The following LHFPL3 variants were observed in gnomAD, a reference collection of about 807,000 sequenced individuals.
LHFPL3 encodes LHFPL tetraspan subfamily member 3.
A neutral mutation model predicts 19.3 loss-of-function variants in LHFPL3; 5 were observed. The observed-to-expected ratio is 0.26, with a 90% CI of 0.14 to 0.54. The LOEUF (loss-of-function observed/expected upper bound fraction) is 0.54, where lower values mean the gene tolerates loss of function less well. LHFPL3 is among the 20% of genes least tolerant of loss of function. LHFPL3 has a pLI of 0.94. For missense variants in LHFPL3, 249 were observed against 307.4 expected, an observed-to-expected ratio of 0.81 and a Z score of 1.42; for synonymous variants, 133 against 126.2, an observed-to-expected ratio of 1.05 and a Z score of -0.36.
chr7:104,824,406 A>AAT (rs376052818), intron 2 of LHFPL3, among the ~76,000 whole-genome samples: 40,341 of 43,662 alleles, frequency 0.92, 18,544 homozygotes, highest in Middle Eastern at 0.97. Context: ...GATAATATAT[A>AAT]ATATATATTT....
At chr7:104,699,530 A>G (rs1793061500) in intron 1 of LHFPL3, among the ~76,000 whole-genome samples, 1 of 152,126 alleles carries the variant, frequency 6.6e-6, no homozygotes, top group Non-Finnish European at 1.5e-5. Flanking sequence ...GATGGTTGCC[A>G]AGGGTTGGGG....
At chr7:104,850,169 G>A (rs12055895) in intron 2 of LHFPL3, among the ~76,000 whole-genome samples, 33,039 of 152,000 alleles carry the variant, frequency 0.22, 3,860 homozygotes, top group South Asian at 0.39. Flanking sequence ...AGGCGTGGTG[G>A]CACATGCCTG....
intron 1 of LHFPL3, among the ~76,000 whole-genome samples, chr7:104,567,920 C>A (rs1790153805): frequency 6.6e-6 from 1 of 152,246 alleles, no homozygotes; most frequent in South Asian, 2.1e-4. Flanking sequence ...GCCCTAGACC[C>A]CAATGCACGT....
chr7:104,562,177 C>A (rs922778196), intron 1 of LHFPL3, among the ~76,000 whole-genome samples: 14 of 151,796 alleles, frequency 9.2e-5, no homozygotes, highest in African/African-American at 2.9e-4. Context: ...TTGCTCTTCT[C>A]GAGGAGTGTC....
At chr7:104,843,651 G>A (rs888403510) in intron 2 of LHFPL3, among the ~76,000 whole-genome samples, 5 of 152,280 alleles carry the variant, frequency 3.3e-5, no homozygotes, top group Admixed American at 6.5e-5. Flanking sequence ...GTGAGAAGGA[G>A]CAGAAAGAAA....
At chr7:104,687,732 C>T (rs1792832351) in intron 1 of LHFPL3, among the ~76,000 whole-genome samples, 1 of 152,218 alleles carries the variant, frequency 6.6e-6, no homozygotes, top group Non-Finnish European at 1.5e-5. Context: ...GAAGCCAGAG[C>T]ATCTCAACAG....
chr7:104,661,569 AACAAGG>A (rs1391421132), intron 1 of LHFPL3, among the ~76,000 whole-genome samples: 5 of 152,200 alleles, frequency 3.3e-5, no homozygotes. Context: ...TTGAGATGAG[AACAAGG>A]ACAAGTAATT....
At chr7:104,384,659 T>C (rs1288679568) in intron 1 of LHFPL3, among the ~76,000 whole-genome samples, 1 of 151,678 alleles carries the variant, frequency 6.6e-6, no homozygotes, top group Non-Finnish European at 1.5e-5. Flanking sequence ...TGGTGGCACA[T>C]GCCTGTAATG....
At chr7:104,868,770 C>T (rs1354791368) in intron 2 of LHFPL3, among the ~76,000 whole-genome samples, 1 of 152,180 alleles carries the variant, frequency 6.6e-6, no homozygotes. Flanking sequence ...ATTGCCAAGT[C>T]AATCCTAACC....
At chr7:104,708,125 C>T (rs1584490409) in intron 1 of LHFPL3, among the ~76,000 whole-genome samples, 2 of 152,158 alleles carry the variant, frequency 1.3e-5, no homozygotes, top group African/African-American at 2.4e-5. Flanking sequence ...AAATACCCAT[C>T]GCCATATAGA....
At chr7:104,354,561 T>C (rs1790238814) in intron 1 of LHFPL3, among the ~76,000 whole-genome samples, 1 of 152,240 alleles carries the variant, frequency 6.6e-6, no homozygotes, top group Non-Finnish European at 1.5e-5. Context: ...TTTCTAATTT[T>C]GGCCAGTCTG....
chr7:104,481,248 C>T (rs897780191), intron 1 of LHFPL3, among the ~76,000 whole-genome samples: 8 of 152,136 alleles, frequency 5.3e-5, no homozygotes, highest in African/African-American at 1.2e-4. Flanking sequence ...TCTCTGCCTC[C>T]GGTCTCACTC....
At chr7:104,884,685 A>G (rs941479061) in intron 2 of LHFPL3, among the ~76,000 whole-genome samples, 1 of 152,216 alleles carries the variant, frequency 6.6e-6, no homozygotes, top group Non-Finnish European at 1.5e-5. Context: ...CTCCCCTTTC[A>G]GGAGAATTTG....
chr7:104,765,757 A>C (rs1794446807), intron 2 of LHFPL3, among the ~76,000 whole-genome samples: 1 of 152,184 alleles, frequency 6.6e-6, no homozygotes, highest in African/African-American at 2.4e-5. Flanking sequence ...TAGAGGCTAA[A>C]TTATTGTAAT....
chr7:104,791,859 G>A (rs879588145), intron 2 of LHFPL3, among the ~76,000 whole-genome samples: 11 of 152,260 alleles, frequency 7.2e-5, no homozygotes, highest in Admixed American at 2.6e-4. Context: ...GACAACTGCC[G>A]CTGACAGTCA....
At chr7:104,375,114 G>A (rs1430253008) in intron 1 of LHFPL3, among the ~76,000 whole-genome samples, 12 of 152,272 alleles carry the variant, frequency 7.9e-5, no homozygotes, top group East Asian at 3.9e-4. Flanking sequence ...CAAGGCGGGC[G>A]GATCACTTGA....
chr7:104,332,521 G>T (rs1801589499), intron 1 of LHFPL3, among the ~76,000 whole-genome samples: 2 of 152,050 alleles, frequency 1.3e-5, no homozygotes, highest in Admixed American at 6.6e-5. Flanking sequence ...GTGAGCCACT[G>T]CACCCAGCCA....
intron 1 of LHFPL3, among the ~76,000 whole-genome samples, chr7:104,591,296 T>C (rs548190989): frequency 1.3e-5 from 2 of 152,222 alleles, no homozygotes; most frequent in Admixed American, 6.5e-5. Flanking sequence ...TGAGCTCTTG[T>C]AAGGCAGGCC....
intron 1 of LHFPL3, among the ~76,000 whole-genome samples, chr7:104,444,009 T>C (rs1299011190): frequency 6.6e-6 from 1 of 152,258 alleles, no homozygotes; most frequent in African/African-American, 2.4e-5. Context: ...CTGTGTAATA[T>C]GGATTTGCAA....
Sources: gnomAD v4.1 joint callset for allele counts (sites outside exome capture counted in the v4.1 genomes callset) on GRCh38, gnomAD v4.1.1 for gene constraint, MANE v1.5 for transcripts, NCBI Gene and HGNC (gene_info 2026-07-23, HGNC 2026-07-21) for gene names.